Variants in ARFGEF1 observed in about 807,000 individuals in gnomAD.
The protein encoded by ARFGEF1 is brefeldin A-inhibited guanine nucleotide-exchange protein 1.
A neutral mutation model predicts 231.0 loss-of-function variants in ARFGEF1; 42 were observed. The ratio of observed to expected loss-of-function variants is 0.18; its 90% CI spans 0.14 to 0.24. The LOEUF (loss-of-function observed/expected upper bound fraction) is 0.24, where lower values mean the gene tolerates loss of function less well. Ranked by LOEUF, ARFGEF1 falls within the 10% of genes least tolerant of loss-of-function variation. ARFGEF1 has a pLI of 1.00. For synonymous variants in ARFGEF1, 710 were observed against 732.3 expected, an observed-to-expected ratio of 0.97 and a Z score of 0.49; for missense variants, 1,345 against 2,192.0, an observed-to-expected ratio of 0.61 and a Z score of 7.72.
intron 7 of ARFGEF1, among the ~76,000 whole-genome samples, chr8:67,286,125 T>A (rs950912973): frequency 6.6e-6 from 1 of 152,224 alleles, no homozygotes; most frequent in Non-Finnish European, 1.5e-5. Flanking sequence ...AATGCTCTTA[T>A]TGGAGAAGAT....
chr8:67,227,364 T>C (rs544461976), intron 26 of ARFGEF1, 55 bp from the exon 27 acceptor site: 3 of 1,598,794 alleles, frequency 1.9e-6, no homozygotes, highest in Non-Finnish European at 2.6e-6. Flanking sequence ...CTCATCAGTT[T>C]TTCCCCCTTT....
At position 67,343,560 on chromosome 8, in the gene ARFGEF1, G is replaced by C; in HGVS notation, c.-273C>G. ...CCGCTTCTCCCGGCCCGGGGGTCGC[G>C]TCCCGGCCGCCCCTCTCACTCGTCC... On this transcript the variant is annotated 5_prime_UTR_variant, in exon 1 of 39. Coordinates refer to ENST00000262215, the MANE Select transcript of ARFGEF1 (RefSeq NM_006421.5). 8.9e-7 allele frequency: 1 copy of C among 1,123,198 alleles called. No homozygotes were observed. The allele number at this position is 1,123,198 out of a possible 1,614,324, so 69.6% of individuals were successfully genotyped here.
At chr8:67,226,241 A>G in intron 27 of ARFGEF1, 58 bp from the exon 28 acceptor site, 6 of 1,342,588 alleles carry the variant, frequency 4.5e-6, no homozygotes, top group Non-Finnish European at 5.9e-6. Context: ...AGCTGTACCA[A>G]AAATACACCA....
At chr8:67,316,698 G>T (rs889334463) in intron 1 of ARFGEF1, among the ~76,000 whole-genome samples, 8 of 152,088 alleles carry the variant, frequency 5.3e-5, no homozygotes, top group African/African-American at 1.9e-4. Context: ...GGGCTCAAGT[G>T]ATCTGCCCTC....
At chr8:67,290,135 A>C (rs2128908711) in intron 6 of ARFGEF1, among the ~76,000 whole-genome samples, 1 of 152,334 alleles carries the variant, frequency 6.6e-6, no homozygotes, top group South Asian at 2.1e-4. Context: ...CATTTATATC[A>C]GCTATTGGGA....
At chr8:67,238,615 C>G in intron 21 of ARFGEF1, 120 bp downstream of exon 21, 5 of 1,418,826 alleles carry the variant, frequency 3.5e-6, no homozygotes, top group Non-Finnish European at 4.8e-6. Context: ...AAAAGCTAAA[C>G]GTACTTATTC....
In ARFGEF1 at chr8:67,251,452, T is replaced by A. The variant is rs747810458; in HGVS notation, c.2699-2A>T. 8.2e-6 allele frequency: 13 copies of A among 1,594,412 alleles called. No homozygotes were observed. The highest frequency in any genetic ancestry group is 2.3e-5 in the South Asian group (2 of 86,892). On this transcript the variant is annotated splice_acceptor_variant, in intron 18 of 38. Coordinates refer to ENST00000262215, the MANE Select transcript of ARFGEF1 (RefSeq NM_006421.5). LOFTEE classifies it high-confidence loss of function. Reference sequence around the variant, plus strand: ...TTCTTTGTTTTTCACTGGCTACATCTGAAACAATAAACACTATCAGCATTT... The same window carrying A: ...TTCTTTGTTTTTCACTGGCTACATCAGAAACAATAAACACTATCAGCATTT...
chr8:67,340,693 G>A (rs1430833134), intron 1 of ARFGEF1, among the ~76,000 whole-genome samples: 2 of 152,176 alleles, frequency 1.3e-5, no homozygotes, highest in South Asian at 2.1e-4. Context: ...GAGGCTAAAT[G>A]TAACTTTACG....
intron 9 of ARFGEF1, among the ~76,000 whole-genome samples, chr8:67,272,936 T>G (rs1392766113): frequency 6.6e-6 from 1 of 151,920 alleles, no homozygotes; most frequent in East Asian, 1.9e-4. Context: ...GGTGAAACCC[T>G]GTCTGTACTA....
chr8:67,298,552 C>A (rs1563898723), intron 4 of ARFGEF1, among the ~76,000 whole-genome samples: 1 of 152,118 alleles, frequency 6.6e-6, no homozygotes, highest in Non-Finnish European at 1.5e-5. Context: ...AGAGGGGTCA[C>A]AGCTTTAAGA....
chr8:67,266,389 G>A (rs1391710885), intron 13 of ARFGEF1, among the ~76,000 whole-genome samples, 182 bp from the exon 14 acceptor site: 1 of 152,152 alleles, frequency 6.6e-6, no homozygotes, highest in Non-Finnish European at 1.5e-5. Context: ...ACTGTAATTT[G>A]TACGTGTATA....
At chr8:67,315,020 TAAGAAA>T (rs1030604767) in intron 1 of ARFGEF1, among the ~76,000 whole-genome samples, 2 of 151,996 alleles carry the variant, frequency 1.3e-5, no homozygotes, top group African/African-American at 4.8e-5. Flanking sequence ...CCCTGTCTCT[TAAGAAA>T]AAGAAAACAC....
chr8:67,272,324 G>A (rs190290301), intron 9 of ARFGEF1, among the ~76,000 whole-genome samples: 40 of 151,936 alleles, frequency 2.6e-4, no homozygotes, highest in Admixed American at 1.8e-3. Flanking sequence ...CCACCACCAC[G>A]CCCAGCTAAT....
chr8:67,238,550 G>C, intron 21 of ARFGEF1, 57 bp from the exon 22 acceptor site: 1 of 1,522,332 alleles, frequency 6.6e-7, no homozygotes, highest in Non-Finnish European at 8.8e-7. Flanking sequence ...TCTTCAAAAA[G>C]ATTTAAATAT....
intron 5 of ARFGEF1, among the ~76,000 whole-genome samples, chr8:67,183,912 G>C (rs1006608763): frequency 1.6e-4 from 23 of 145,840 alleles, no homozygotes; most frequent in Middle Eastern, 3.5e-3. Context: ...GAGCGTGATG[G>C]CGTGATCTTG....
intron 10 of ARFGEF1, among the ~76,000 whole-genome samples, chr8:67,268,832 G>A (rs191541118): frequency 9.2e-5 from 14 of 152,326 alleles, no homozygotes; most frequent in Non-Finnish European, 1.5e-4. Context: ...GGCCCTGCCT[G>A]CTTAATAAAT....
intron 19 of ARFGEF1, among the ~76,000 whole-genome samples, chr8:67,244,323 T>G (rs866432329): frequency 0.01 from 1,436 of 142,442 alleles, 69 homozygotes; most frequent in Middle Eastern, 0.024. Context: ...GTTGTTTTTT[T>G]TTTTTTTTTT....
At chr8:67,195,406 C>G, downstream of ARFGEF1, 1 of 1,613,868 alleles carries the variant, frequency 6.2e-7, no homozygotes, top group East Asian at 2.2e-5. Flanking sequence ...CTGGTTGACC[C>G]TGATGACATC....
At chr8:67,186,963 T>TATC (rs1383092689) in intron 5 of ARFGEF1, among the ~76,000 whole-genome samples, 2 of 144,464 alleles carry the variant, frequency 1.4e-5, no homozygotes, top group Non-Finnish European at 3.0e-5. Context: ...GGTATAAATC[T>TATC]ATCTATCATC....
Sources: gnomAD v4.1 joint callset for allele counts (sites outside exome capture counted in the v4.1 genomes callset) on GRCh38, gnomAD v4.1.1 for gene constraint, MANE v1.5 for transcripts, NCBI Gene and HGNC (gene_info 2026-07-23, HGNC 2026-07-21) for gene names.